LRRC39: variants seen among roughly 807,000 people sequenced by gnomAD.
LRRC39 encodes the protein leucine-rich repeat-containing protein 39.
LRRC39 carries 35 observed loss-of-function variants against 39.7 expected under a neutral mutation model. That is an observed-to-expected ratio of 0.88 (90% CI 0.67 to 1.17). LRRC39 has a LOEUF of 1.17. Ranked by LOEUF, LRRC39 falls within the 50% of genes most tolerant of loss-of-function variation. The pLI is 0.00. For missense variants in LRRC39, 357 were observed against 385.8 expected, an observed-to-expected ratio of 0.93 and a Z score of 0.62; for synonymous variants, 113 against 134.1, an observed-to-expected ratio of 0.84 and a Z score of 1.09.
intron 9 of LRRC39, 90 bp from the exon 10 acceptor site, chr1:100,149,187 A>G (rs1657695529): frequency 6.6e-7 from 1 of 1,516,586 alleles, no homozygotes; most frequent in Non-Finnish European, 8.8e-7. Flanking sequence ...TTTATTTAAT[A>G]TTTTTTATTT....
At chr1:100,158,937 A>G (rs1020388983) in intron 5 of LRRC39, among the ~76,000 whole-genome samples, 1 of 149,104 alleles carries the variant, frequency 6.7e-6, no homozygotes, top group South Asian at 2.1e-4. Flanking sequence ...TTTTTTTCCC[A>G]TTTGAAGAAT....
At chr1:100,171,666 C>CTTG (rs1188749830) in intron 2 of LRRC39, among the ~76,000 whole-genome samples, 1 of 145,740 alleles carries the variant, frequency 6.9e-6, no homozygotes, top group Non-Finnish European at 1.5e-5. Flanking sequence ...CCATGCCTGG[C>CTTG]TTGTTTTTTT....
At chr1:100,164,849 A>T (rs181872236) in intron 3 of LRRC39, among the ~76,000 whole-genome samples, 1 of 152,116 alleles carries the variant, frequency 6.6e-6, no homozygotes, top group Non-Finnish European at 1.5e-5. Context: ...AACGGGGACT[A>T]CAGGTGCATG....
At chr1:100,166,024 G>GCCCA (rs1484666773) in intron 3 of LRRC39, among the ~76,000 whole-genome samples, 140 of 152,172 alleles carry the variant, frequency 9.2e-4, no homozygotes, top group African/African-American at 3.3e-3. Flanking sequence ...ACAGGCGTGA[G>GCCCA]CCACCATGTC....
At position 100,159,444 on chromosome 1, in the gene LRRC39, A is replaced by G. The variant is rs753133733; in HGVS notation, c.220-29T>C. 16 of 1,510,722 alleles carry G rather than the reference A, an allele frequency of 1.1e-5. No homozygotes were observed. The South Asian group carries it at 2.1e-4, about 20-fold the overall frequency. The allele number at this position is 1,510,722 out of a possible 1,614,324, so 93.6% of individuals were successfully genotyped here. A position where few individuals can be genotyped will look rare whatever the true frequency, so the allele number is the denominator to read the frequency against. On this transcript the variant is annotated intron_variant, in intron 4 of 9. Coordinates refer to ENST00000370137, the MANE Select transcript of LRRC39 (RefSeq NM_144620.4). ...CAGTAAAAGAAATGATGGTTGTTGT[A>G]TATTACTTAAATTTTTTTAGTATCA...
chr1:100,165,616 A>G (rs1659183697), intron 3 of LRRC39, among the ~76,000 whole-genome samples: 1 of 152,202 alleles, frequency 6.6e-6, no homozygotes, highest in Non-Finnish European at 1.5e-5. Flanking sequence ...ATTGCTTATC[A>G]GTAGCTTCTT....
chr1:100,154,974 A>G (rs1370392448), intron 8 of LRRC39, 77 bp downstream of exon 8: 2 of 1,298,386 alleles, frequency 1.5e-6, no homozygotes, highest in African/African-American at 3.1e-5. Context: ...TTTATTAATA[A>G]CAATCTCTCT....
chr1:100,161,317 T>A (rs1658859147), intron 3 of LRRC39, among the ~76,000 whole-genome samples: 1 of 152,242 alleles, frequency 6.6e-6, no homozygotes, highest in Admixed American at 6.5e-5. Flanking sequence ...GATTTTCCTA[T>A]CCTGGACACT....
chr1:100,166,041 AGGATTCCC>A (rs1179246927), intron 3 of LRRC39, among the ~76,000 whole-genome samples: 21 of 152,098 alleles, frequency 1.4e-4, no homozygotes, highest in Non-Finnish European at 2.4e-4. Context: ...TGTCTGGCTG[AGGATTCCC>A]CTTTCATTTG....
At chr1:100,160,951 C>T (rs557726954) in intron 3 of LRRC39, among the ~76,000 whole-genome samples, 2 of 151,944 alleles carry the variant, frequency 1.3e-5, no homozygotes, top group African/African-American at 4.8e-5. Flanking sequence ...TTTTAATTAC[C>T]AATCAAAAAC....
intron 9 of LRRC39, chr1:100,149,344 C>G (rs1380978561): frequency 1.3e-6 from 2 of 1,541,332 alleles, no homozygotes; most frequent in Non-Finnish European, 1.7e-6. Context: ...AATTAATAAA[C>G]ACAATTAATT....
intron 6 of LRRC39, among the ~76,000 whole-genome samples, chr1:100,157,372 C>G (rs1486480925): frequency 1.3e-5 from 2 of 152,250 alleles, no homozygotes; most frequent in Middle Eastern, 3.4e-3. Flanking sequence ...GTAAGACGTG[C>G]CTTTTGCCTT....
intron 9 of LRRC39, chr1:100,149,464 CTTAA>C: frequency 1.3e-6 from 2 of 1,528,534 alleles, no homozygotes; most frequent in Non-Finnish European, 1.8e-6. Flanking sequence ...GATTATTTCA[CTTAA>C]TTATTTTGTT....
chr1:100,148,862 A>T lies in LRRC39; in HGVS notation c.*180T>A. ...GCATCATCTGTCTTCCACCAAAAAA[A>T]ATTTTTTAATTATATTTTTATATCA... On this transcript the variant is annotated 3_prime_UTR_variant, in exon 10 of 10. Transcript: ENST00000370137. The T allele has an allele frequency of 2.4e-6, 3 of 1,264,324 alleles. No homozygotes were observed. Among genetic ancestry groups the T allele is most frequent in the East Asian group, 3.1e-5 (1 of 32,602 alleles). The allele number at this position is 1,264,324 out of a possible 1,614,324, so 78.3% of individuals were successfully genotyped here.
At chr1:100,158,947 T>C (rs1287120541) in intron 5 of LRRC39, among the ~76,000 whole-genome samples, 1 of 152,068 alleles carries the variant, frequency 6.6e-6, no homozygotes, top group African/African-American at 2.4e-5. Flanking sequence ...ATTTGAAGAA[T>C]CTTCTTGTTT....
chr1:100,150,088 G>GGAT (rs1037699539), intron 9 of LRRC39: 1 of 152,140 alleles, frequency 6.6e-6, no homozygotes, highest in Admixed American at 6.6e-5. Context: ...TTTAAAATGG[G>GGAT]GATGATGATG....
chr1:100,156,969 G>A (rs1658505320), intron 6 of LRRC39, among the ~76,000 whole-genome samples: 1 of 151,970 alleles, frequency 6.6e-6, no homozygotes, highest in Non-Finnish European at 1.5e-5. Context: ...TAGGCAAAAG[G>A]TGAGACTCTG....
intron 3 of LRRC39, among the ~76,000 whole-genome samples, chr1:100,164,649 C>T (rs77741989): frequency 1.3e-5 from 2 of 151,938 alleles, no homozygotes; most frequent in South Asian, 4.2e-4. Flanking sequence ...TTTAAAAGGT[C>T]TCTCAGATTC....
Position 100,168,444 on chromosome 1 carries a change from G to T in LRRC39, c.73C>A (p.Leu25Ile), listed in dbSNP as rs374193936. 6.2e-7 allele frequency: 1 copy of T among 1,612,032 alleles called. No homozygotes were observed. Among genetic ancestry groups the T allele is most frequent in the African/African-American group, 1.3e-5 (1 of 74,812 alleles). The change falls in exon 3 of 10, where the codon CTC becomes ATC. Residue 25 changes from leucine (L) to isoleucine (I), a missense_variant. Leu to Ile is a conservative substitution (Grantham distance 5). Coordinates refer to ENST00000370137, the MANE Select transcript of LRRC39 (RefSeq NM_144620.4). ...KEVWEKRIKK[L>I]NEDLKREKEF... is the part of the protein sequence containing the mutation. ...TTCTCTCGCTTCAGGTCTTCATTGA[G>T]TTTCTTTATTCTTTTTTCCCAAACT... is the stretch of plus-strand genomic sequence containing the variant.
Sources: gnomAD v4.1 joint callset for allele counts (sites outside exome capture counted in the v4.1 genomes callset) on GRCh38, gnomAD v4.1.1 for gene constraint, MANE v1.5 for transcripts, NCBI Gene and HGNC (gene_info 2026-07-23, HGNC 2026-07-21) for gene names.